Variants in CTNNA2 observed in about 807,000 individuals in gnomAD.
The protein encoded by CTNNA2 is catenin alpha 2.
In CTNNA2, 42 loss-of-function variants were observed where a neutral mutation model predicts 101.0. The ratio of observed to expected loss-of-function variants is 0.42; its 90% confidence interval spans 0.32 to 0.54. The LOEUF is 0.54. Among genes scored for constraint, CTNNA2 ranks in the 20% least tolerant of loss-of-function variants. The probability of loss-of-function intolerance (pLI) is 0.14; values close to 1 mark genes in which losing one functional copy is unlikely to be tolerated. For synonymous variants in CTNNA2, 450 were observed against 456.4 expected, an observed-to-expected ratio of 0.99 and a Z score of 0.18; for missense variants, 871 against 1,223.1, an observed-to-expected ratio of 0.71 and a Z score of 4.29.
intron 1 of CTNNA2, among the ~76,000 whole-genome samples, chr2:79,613,719 T>C (rs1180042431): frequency 6.6e-6 from 1 of 152,160 alleles, no homozygotes; most frequent in African/African-American, 2.4e-5. Flanking sequence ...CAGGGTCTTG[T>C]TGTGTTGCCC....
At chr2:79,565,793 C>A (rs1675074593) in intron 1 of CTNNA2, among the ~76,000 whole-genome samples, 1 of 151,922 alleles carries the variant, frequency 6.6e-6, no homozygotes, top group African/African-American at 2.4e-5. Context: ...AAGAAACATA[C>A]AGGAGGTTGT....
intron 7 of CTNNA2, among the ~76,000 whole-genome samples, chr2:80,196,875 C>A (rs911520914): frequency 6.6e-6 from 1 of 152,216 alleles, no homozygotes; most frequent in Non-Finnish European, 1.5e-5. Context: ...TTAAACAGTT[C>A]TTTAATGTGA....
At chr2:79,661,457 G>A (rs972807014) in intron 2 of CTNNA2, among the ~76,000 whole-genome samples, 24 of 152,318 alleles carry the variant, frequency 1.6e-4, no homozygotes, top group African/African-American at 5.1e-4. Flanking sequence ...TGTGTTTAAT[G>A]TACTACTCAA....
chr2:79,285,899 G>GTAGGTCAC (rs1279707664), intron 2 of CTNNA2, among the ~76,000 whole-genome samples: 3 of 146,942 alleles, frequency 2.0e-5, no homozygotes, highest in Non-Finnish European at 4.4e-5. Flanking sequence ...AAGTCTCTTT[G>GTAGGTCAC]TAGGTCACTC....
chr2:79,258,342 G>GC (rs1162286271), intron 2 of CTNNA2, among the ~76,000 whole-genome samples: 1 of 152,216 alleles, frequency 6.6e-6, no homozygotes, highest in East Asian at 1.9e-4. Flanking sequence ...ACCTTGGGCA[G>GC]TTCCCCTCAA....
chr2:80,240,209 C>T (rs996608872), intron 7 of CTNNA2, among the ~76,000 whole-genome samples: 3 of 152,154 alleles, frequency 2.0e-5, no homozygotes, highest in Non-Finnish European at 4.4e-5. Context: ...TGAACAAAGT[C>T]CCTGTCCAAT....
intron 9 of CTNNA2, among the ~76,000 whole-genome samples, chr2:80,419,936 TG>T: frequency 6.7e-6 from 1 of 149,900 alleles, no homozygotes; most frequent in East Asian, 2.0e-4. Flanking sequence ...TTAAAATTTC[TG>T]AATGGAGGCC....
chr2:80,616,219 C>T (rs1042219407), intron 17 of CTNNA2, among the ~76,000 whole-genome samples: 15 of 151,786 alleles, frequency 9.9e-5, no homozygotes, highest in Non-Finnish European at 1.5e-4. Context: ...TGGTCAACAT[C>T]GTCTTTTAAG....
chr2:80,565,596 G>T (rs1693987450), intron 12 of CTNNA2, among the ~76,000 whole-genome samples: 1 of 16,452 alleles, frequency 6.1e-5, no homozygotes, highest in African/African-American at 1.3e-4. Context: ...GATTTTGCCT[G>T]GTAGAAACAG....
chr2:80,284,265 C>T (rs959548035), intron 7 of CTNNA2, among the ~76,000 whole-genome samples: 4 of 152,096 alleles, frequency 2.6e-5, no homozygotes, highest in Non-Finnish European at 5.9e-5. Context: ...CACCAGATAA[C>T]ACTCTACTCC....
intron 1 of CTNNA2, among the ~76,000 whole-genome samples, chr2:79,580,159 C>T (rs1485119851): frequency 1.3e-5 from 2 of 151,940 alleles, no homozygotes; most frequent in Admixed American, 6.6e-5. Context: ...TTGATCTCAA[C>T]GTTGGAGAAA....
At chr2:80,311,197 C>A (rs1200652484) in intron 7 of CTNNA2, among the ~76,000 whole-genome samples, 1 of 151,928 alleles carries the variant, frequency 6.6e-6, no homozygotes, top group East Asian at 1.9e-4. Flanking sequence ...ATATGGGCGC[C>A]CATGCCTTTA....
Position 79,712,519 on chromosome 2 carries a change from G to A in CTNNA2, c.103-31868G>A, listed in dbSNP as rs374862323. On this transcript the variant is annotated intron_variant, in intron 2 of 18. Coordinates refer to ENST00000402739, the MANE Select transcript of CTNNA2 (RefSeq NM_001282597.3). ...TCAATTAATATTATTATCTAATTGC[G>A]AAGGAAAAATCATTCCCCAAATCCT... Among the ~76,000 whole-genome samples, 34 of 152,158 alleles carry A rather than the reference G, an allele frequency of 2.2e-4. No homozygotes were observed. In the South Asian group the frequency reaches 5.0e-3, roughly 22 times the overall value.
Position 80,162,910 on chromosome 2 carries a change from T to C in CTNNA2, c.1057-230301T>C. On this transcript the variant is annotated intron_variant, in intron 7 of 18. Coordinates refer to ENST00000402739, the MANE Select transcript of CTNNA2 (RefSeq NM_001282597.3). Reference sequence around the variant, plus strand: ...CTAGTCCTTTCGTACCTGCTAGGAGTTGTGGAGGTAGGGCTTGAATTTCCA... The same window carrying C: ...CTAGTCCTTTCGTACCTGCTAGGAGCTGTGGAGGTAGGGCTTGAATTTCCA... 3 of 1,563,498 alleles carry C rather than the reference T, an allele frequency of 1.9e-6. No individual in the cohort carries two copies. In the Admixed American group the frequency reaches 5.0e-5, roughly 26 times the overall value.
chr2:80,578,042 G>A (rs1383997687), intron 13 of CTNNA2, among the ~76,000 whole-genome samples: 1 of 152,166 alleles, frequency 6.6e-6, no homozygotes, highest in Non-Finnish European at 1.5e-5. Context: ...TGTTGCAGAG[G>A]AATAGAGCAC....
intron 3 of CTNNA2, among the ~76,000 whole-genome samples, chr2:79,327,435 T>G (rs1471251861): frequency 1.3e-5 from 2 of 152,212 alleles, no homozygotes; most frequent in African/African-American, 4.8e-5. Context: ...GAATACAGGA[T>G]TGAGCCTGAA....
intron 2 of CTNNA2, among the ~76,000 whole-genome samples, chr2:79,740,430 AT>A (rs1671209278): frequency 6.6e-6 from 1 of 152,184 alleles, no homozygotes; most frequent in African/African-American, 2.4e-5. Flanking sequence ...TAGTTATAAG[AT>A]TTTTGAAATA....
chr2:79,596,221 C>A (rs1288630688), intron 1 of CTNNA2, among the ~76,000 whole-genome samples: 2 of 151,940 alleles, frequency 1.3e-5, no homozygotes, highest in Non-Finnish European at 2.9e-5. Flanking sequence ...CTGCCTGGAA[C>A]TTAGCAGGTG....
At chr2:79,478,502 C>T (rs1016408808) in intron 4 of CTNNA2, among the ~76,000 whole-genome samples, 7 of 152,148 alleles carry the variant, frequency 4.6e-5, no homozygotes, top group East Asian at 1.9e-4. Context: ...CCACTCAACA[C>T]CCAATTAAGC....
Sources: allele counts gnomAD v4.1 joint callset (sites outside exome capture counted in the v4.1 genomes callset), GRCh38; gene constraint gnomAD v4.1.1; transcripts MANE v1.5; gene names NCBI Gene and HGNC (gene_info 2026-07-23, HGNC 2026-07-21).